MAN1A2: variants seen among roughly 807,000 people sequenced by gnomAD.
The protein encoded by MAN1A2 is mannosyl-oligosaccharide 1,2-alpha-mannosidase IB.
Under a neutral mutation model 75.7 loss-of-function variants are expected in MAN1A2, and 26 were observed. That is an observed-to-expected ratio of 0.34 (90% CI 0.25 to 0.48). MAN1A2 has a LOEUF of 0.48. Ranked by LOEUF, MAN1A2 falls within the 20% of genes least tolerant of loss-of-function variation. The pLI is 0.99. For missense variants in MAN1A2, 562 were observed against 775.5 expected (o/e 0.72, Z 3.27); for synonymous variants, 247 against 264.6 (o/e 0.93, Z 0.65).
chr1:117,410,508 A>C (rs1161291993), intron 3 of MAN1A2, among the ~76,000 whole-genome samples: 2 of 151,916 alleles, frequency 1.3e-5, no homozygotes, highest in East Asian at 3.9e-4. Context: ...TAATATTGAA[A>C]GACTATATGC....
chr1:117,465,613 G>A (rs1438142427), intron 7 of MAN1A2, among the ~76,000 whole-genome samples: 1 of 152,106 alleles, frequency 6.6e-6, no homozygotes, highest in African/African-American at 2.4e-5. Context: ...TTCATCAAAT[G>A]TAATGACAAT....
chr1:117,414,906 C>T (rs1647940315), intron 4 of MAN1A2, 75 bp downstream of exon 4: 8 of 870,276 alleles, frequency 9.2e-6, no homozygotes, highest in Non-Finnish European at 1.5e-5. Context: ...ATGGTCTGAA[C>T]ATTTGTGCCT....
chr1:117,512,853 A>G (rs1329618231), intron 12 of MAN1A2, among the ~76,000 whole-genome samples: 2 of 151,996 alleles, frequency 1.3e-5, no homozygotes, highest in Non-Finnish European at 2.9e-5. Context: ...TCAAAAATTT[A>G]ATCTTTGAAA....
rs865937301 is a variant in MAN1A2, at chr1:117,526,669, T to G, written c.*3712T>G. 1 of 151,274 alleles carries G rather than the reference T, an allele frequency of 6.6e-6. No individual in the cohort carries two copies. The highest frequency in any genetic ancestry group is 2.1e-4 in the South Asian group (1 of 4,824). 9.4% of individuals were successfully genotyped at this position (151,274 alleles called of 1,614,324 possible). ...CATAATTCATGGGTAAAACTTGCAG[T>G]TGTAAATTGTGTCTGCTCTGGTATG... is the stretch of plus-strand genomic sequence containing the variant. On this transcript the variant is annotated 3_prime_UTR_variant, in exon 13 of 13. Transcript: ENST00000356554.
chr1:117,382,149 G>A (rs991324564), intron 1 of MAN1A2, among the ~76,000 whole-genome samples: 21 of 152,108 alleles, frequency 1.4e-4, no homozygotes, highest in Non-Finnish European at 1.9e-4. Flanking sequence ...TCACTCTGAC[G>A]GTAGTTTCTT....
chr1:117,378,267 T>C (rs1653219935), intron 1 of MAN1A2, among the ~76,000 whole-genome samples: 1 of 152,214 alleles, frequency 6.6e-6, no homozygotes, highest in African/African-American at 2.4e-5. Context: ...ATTCCTATAC[T>C]GAGTTGGACA....
chr1:117,418,912 G>T (rs938643943), intron 4 of MAN1A2, among the ~76,000 whole-genome samples: 1 of 152,046 alleles, frequency 6.6e-6, no homozygotes, highest in African/African-American at 2.4e-5. Flanking sequence ...TTTTATATTA[G>T]ATGGTCAGAA....
At chr1:117,520,476 G>T (rs1651840111) in intron 12 of MAN1A2, among the ~76,000 whole-genome samples, 1 of 152,062 alleles carries the variant, frequency 6.6e-6, no homozygotes, top group African/African-American at 2.4e-5. Flanking sequence ...AAAGTTTCCA[G>T]ATACAAAATT....
intron 1 of MAN1A2, among the ~76,000 whole-genome samples, chr1:117,401,194 A>G (rs1427023164): frequency 6.6e-6 from 1 of 150,600 alleles, no homozygotes; most frequent in African/African-American, 2.4e-5. Context: ...TCTCTGAGAT[A>G]AATGCCGAGA....
chr1:117,406,223 T>G (rs929114065), intron 3 of MAN1A2, among the ~76,000 whole-genome samples: 5 of 152,214 alleles, frequency 3.3e-5, no homozygotes, highest in African/African-American at 1.2e-4. Context: ...CTTCCCAGTT[T>G]AACTTAACCA....
At chr1:117,515,025 G>A (rs2101892561) in intron 12 of MAN1A2, 1 of 403,342 alleles carries the variant, frequency 2.5e-6, no homozygotes. Context: ...TATATGAAAT[G>A]TATACTCTAC....
At chr1:117,466,218 C>T (rs940746022) in intron 7 of MAN1A2, 116 bp from the exon 8 acceptor site, 17 of 635,860 alleles carry the variant, frequency 2.7e-5, no homozygotes, top group Non-Finnish European at 4.3e-5. Flanking sequence ...AACACACACA[C>T]AAAGGCAGGG....
Position 117,397,284 on chromosome 1 carries a change from A to G in MAN1A2, c.303-4902A>G, listed in dbSNP as rs115284627. 9.8e-3 allele frequency among the ~76,000 whole-genome samples: 1,486 copies of G among 152,340 alleles called. 25 individuals carry two copies. Among genetic ancestry groups the G allele is most frequent in the Middle Eastern group, 0.02 (6 of 294 alleles). On this transcript the variant is annotated intron_variant, in intron 1 of 12. Coordinates refer to ENST00000356554, the MANE Select transcript of MAN1A2 (RefSeq NM_006699.5). Reference sequence around the variant, plus strand: ...ATGTGTTTGAATAAGGCTCTTCACAATATTGCAACAACATAGGTTCTGATG... The same window carrying G: ...ATGTGTTTGAATAAGGCTCTTCACAGTATTGCAACAACATAGGTTCTGATG...
chr1:117,382,127 T>C (rs375932565), intron 1 of MAN1A2, among the ~76,000 whole-genome samples: 1 of 152,224 alleles, frequency 6.6e-6, no homozygotes, highest in Non-Finnish European at 1.5e-5. Context: ...TCCCATTTTG[T>C]AGGTTGCTCG....
At chr1:117,415,931 C>T (rs1647975758) in intron 4 of MAN1A2, among the ~76,000 whole-genome samples, 1 of 152,160 alleles carries the variant, frequency 6.6e-6, no homozygotes, top group South Asian at 2.1e-4. Flanking sequence ...CCTCAACTAA[C>T]TCCAAAGGAA....
At chr1:117,431,028 T>A (rs74985053) in intron 5 of MAN1A2, among the ~76,000 whole-genome samples, 1 of 119,170 alleles carries the variant, frequency 8.4e-6, no homozygotes, top group Non-Finnish European at 1.8e-5. Flanking sequence ...GCCAACACAG[T>A]GAAACCCCGT....
At chr1:117,409,647 TACTG>T (rs1647743279) in intron 3 of MAN1A2, among the ~76,000 whole-genome samples, 1 of 152,028 alleles carries the variant, frequency 6.6e-6, no homozygotes, top group Admixed American at 6.6e-5. Flanking sequence ...TTCTGTCAGT[TACTG>T]AGAGAGGGAT....
intron 7 of MAN1A2, among the ~76,000 whole-genome samples, chr1:117,462,099 A>G (rs1209648284): frequency 6.6e-6 from 1 of 152,164 alleles, no homozygotes; most frequent in African/African-American, 2.4e-5. Flanking sequence ...AATTCCAGGA[A>G]TATTAAAGGC....
At chr1:117,423,224 G>A (rs1447032745) in intron 5 of MAN1A2, among the ~76,000 whole-genome samples, 2 of 152,106 alleles carry the variant, frequency 1.3e-5, no homozygotes, top group African/African-American at 4.8e-5. Context: ...TAGACATTCT[G>A]TTTTGTTCTC....
Sources: gnomAD v4.1 joint callset for allele counts (sites outside exome capture counted in the v4.1 genomes callset) on GRCh38, gnomAD v4.1.1 for gene constraint, MANE v1.5 for transcripts, NCBI Gene and HGNC (gene_info 2026-07-23, HGNC 2026-07-21) for gene names.